The following NXPH1 variants were observed in gnomAD, a reference collection of about 807,000 sequenced individuals.
NXPH1 encodes neurexophilin-1.
In NXPH1, 5 loss-of-function variants were observed where a neutral mutation model predicts 23.7. The observed-to-expected ratio is 0.21, with a 90% confidence interval of 0.11 to 0.44. The LOEUF (loss-of-function observed/expected upper bound fraction) is 0.44, where lower values mean the gene tolerates loss of function less well. NXPH1 is among the 20% of genes least tolerant of loss of function. The pLI, the probability that NXPH1 is intolerant of heterozygous loss-of-function variation, is 0.99. For synonymous variants in NXPH1, 144 were observed against 122.2 expected, an observed-to-expected ratio of 1.18 and a Z score of -1.18; for missense variants, 324 against 321.6, an observed-to-expected ratio of 1.01 and a Z score of -0.06.
chr7:8,472,583 T>C (rs766069466), intron 2 of NXPH1, among the ~76,000 whole-genome samples: 2 of 152,070 alleles, frequency 1.3e-5, no homozygotes, highest in Non-Finnish European at 1.5e-5. Flanking sequence ...CCACACTTCC[T>C]TGGTGGAAGG....
intron 2 of NXPH1, among the ~76,000 whole-genome samples, chr7:8,721,264 G>A (rs182052614): frequency 2.8e-4 from 43 of 152,108 alleles, no homozygotes; most frequent in African/African-American, 9.4e-4. Flanking sequence ...GCATAAATAT[G>A]AGAGAGAGTA....
chr7:8,723,242 G>A (rs1361033527), intron 2 of NXPH1, among the ~76,000 whole-genome samples: 1 of 152,154 alleles, frequency 6.6e-6, no homozygotes, highest in African/African-American at 2.4e-5. Context: ...ATGTCCACTT[G>A]AGTAGTGCAA....
chr7:8,471,979 C>A (rs1190123945), intron 2 of NXPH1, among the ~76,000 whole-genome samples: 2 of 151,310 alleles, frequency 1.3e-5, no homozygotes, highest in Non-Finnish European at 2.9e-5. Context: ...TTTTGATATC[C>A]TACACGATGG....
At chr7:8,546,712 C>T (rs571742773) in intron 2 of NXPH1, among the ~76,000 whole-genome samples, 2 of 151,446 alleles carry the variant, frequency 1.3e-5, no homozygotes, top group Admixed American at 6.6e-5. Context: ...TCCCAGTGAC[C>T]CCTCTTCCCT....
chr7:8,527,560 A>G (rs1584213102), intron 2 of NXPH1, among the ~76,000 whole-genome samples: 1 of 152,200 alleles, frequency 6.6e-6, no homozygotes, highest in Admixed American at 6.5e-5. Context: ...CAGTGCAATT[A>G]GTTGGGACCA....
At chr7:8,567,926 C>G (rs1818575017) in intron 2 of NXPH1, among the ~76,000 whole-genome samples, 1 of 151,904 alleles carries the variant, frequency 6.6e-6, no homozygotes, top group African/African-American at 2.4e-5. Flanking sequence ...CTTACATCGT[C>G]TACTCCAAAT....
chr7:8,462,365 A>G (rs1049224886), intron 2 of NXPH1, among the ~76,000 whole-genome samples: 8 of 152,218 alleles, frequency 5.3e-5, no homozygotes, highest in African/African-American at 1.7e-4. Context: ...TAATTTATAA[A>G]TATTTTATGT....
At chr7:8,672,186 A>T (rs1820879392) in intron 2 of NXPH1, among the ~76,000 whole-genome samples, 2 of 152,152 alleles carry the variant, frequency 1.3e-5, no homozygotes, top group Non-Finnish European at 2.9e-5. Flanking sequence ...AGGGACATGG[A>T]TGAAATTGGA....
At chr7:8,486,210 C>A (rs1006153551) in intron 2 of NXPH1, among the ~76,000 whole-genome samples, 10 of 152,276 alleles carry the variant, frequency 6.6e-5, no homozygotes, top group African/African-American at 1.7e-4. Context: ...GACAGAATTC[C>A]CTTCAGCCAC....
At chr7:8,532,737 G>A (rs900419226) in intron 2 of NXPH1, among the ~76,000 whole-genome samples, 3 of 152,080 alleles carry the variant, frequency 2.0e-5, no homozygotes, top group African/African-American at 7.2e-5. Context: ...TGCGCCCTGG[G>A]TGAGAATCCG....
chr7:8,434,302 C>T lies in NXPH1; in HGVS notation c.-564C>T, dbSNP rs145015311. ...CAGAGGACTTGCTCAGTCTCCTCCCCTTAAGTCATTTCCACCATCCTCAGG... is the reference window on the plus strand; with the variant it reads ...CAGAGGACTTGCTCAGTCTCCTCCCTTTAAGTCATTTCCACCATCCTCAGG... On this transcript the variant is annotated 5_prime_UTR_variant, in exon 1 of 3. Coordinates refer to ENST00000405863, the MANE Select transcript of NXPH1 (RefSeq NM_152745.3). This position sits in a 1 kb window ranked among gnomAD's most constrained non-coding sequence, Gnocchi z 7.6. 794 of 153,486 alleles carry T rather than the reference C, an allele frequency of 5.2e-3. 4 individuals carry two copies. The highest frequency in any genetic ancestry group is 9.4e-3 in the Non-Finnish European group (643 of 68,618). The allele number at this position is 153,486 out of a possible 1,614,324, so 9.5% of individuals were successfully genotyped here. A position where few individuals can be genotyped will look rare whatever the true frequency, so the allele number is the denominator to read the frequency against.
At chr7:8,639,772 T>C (rs1820277397) in intron 2 of NXPH1, among the ~76,000 whole-genome samples, 1 of 152,190 alleles carries the variant, frequency 6.6e-6, no homozygotes, top group Non-Finnish European at 1.5e-5. Context: ...TGAGATCTGA[T>C]GGGTTTATCA....
intron 2 of NXPH1, among the ~76,000 whole-genome samples, chr7:8,483,624 A>G (rs1453733409): frequency 6.6e-6 from 1 of 152,146 alleles, no homozygotes; most frequent in East Asian, 1.9e-4. Flanking sequence ...CCACATTTCT[A>G]GTGAAATCAT....
chr7:8,561,298 G>C (rs949110690), intron 2 of NXPH1, among the ~76,000 whole-genome samples: 6 of 149,908 alleles, frequency 4.0e-5, no homozygotes, highest in African/African-American at 1.5e-4. Context: ...CCCTTAGGTA[G>C]GGTCTCCTTA....
intron 2 of NXPH1, among the ~76,000 whole-genome samples, chr7:8,712,776 A>C (rs1012091): frequency 0.14 from 21,840 of 152,110 alleles, 1,731 homozygotes; most frequent in South Asian, 0.2. Flanking sequence ...TCATGGTCAC[A>C]CATCTAGTAA....
intron 2 of NXPH1, among the ~76,000 whole-genome samples, chr7:8,626,384 CTTTT>C (rs542544198): frequency 1.5e-5 from 2 of 136,338 alleles, no homozygotes; most frequent in Non-Finnish European, 1.6e-5. Context: ...ATGCAGTTTA[CTTTT>C]TTTTTTTTTT....
At chr7:8,460,133 T>C (rs1816668421) in intron 2 of NXPH1, among the ~76,000 whole-genome samples, 1 of 152,168 alleles carries the variant, frequency 6.6e-6, no homozygotes, top group East Asian at 1.9e-4. Context: ...AAGGATGATA[T>C]AAATATATCA....
At chr7:8,471,539 C>T (rs1001310544) in intron 2 of NXPH1, among the ~76,000 whole-genome samples, 3 of 152,106 alleles carry the variant, frequency 2.0e-5, no homozygotes, top group African/African-American at 7.2e-5. Context: ...CAGCAGACAA[C>T]CTCCCTTAGG....
chr7:8,676,727 G>C (rs1820959103), intron 2 of NXPH1, among the ~76,000 whole-genome samples: 1 of 152,168 alleles, frequency 6.6e-6, no homozygotes, highest in South Asian at 2.1e-4. Flanking sequence ...GGGTAAAGAA[G>C]TAGCAACTTA....
Sources: allele counts gnomAD v4.1 joint callset (sites outside exome capture counted in the v4.1 genomes callset), GRCh38; gene constraint gnomAD v4.1.1; non-coding constraint Gnocchi (gnomAD v3.1); transcripts MANE v1.5; gene names NCBI Gene and HGNC (gene_info 2026-07-23, HGNC 2026-07-21).